Variants in TTR observed in about 807,000 individuals in gnomAD.
TTR encodes transthyretin.
Under a neutral mutation model 13.7 loss-of-function variants are expected in TTR, and 8 were observed. The ratio of observed to expected loss-of-function variants is 0.58; its 90% CI spans 0.34 to 1.05. The LOEUF is 1.05. Among genes scored for constraint, TTR ranks in the 50% least tolerant of loss-of-function variants. TTR has a pLI of 0.02. For synonymous variants in TTR, 75 were observed against 71.7 expected (o/e 1.05, Z -0.23); for missense variants, 135 against 185.5 (o/e 0.73, Z 1.58).
chr18:31,592,194 T>A (rs563871123), intron 1 of TTR, among the ~76,000 whole-genome samples: 132 of 152,248 alleles, frequency 8.7e-4, no homozygotes, highest in African/African-American at 2.8e-3. Flanking sequence ...CTTTGGTGCA[T>A]TAGGTTTGTA....
intron 2 of TTR, chr18:31,593,435 A>G (rs889561085): frequency 5.0e-5 from 13 of 260,224 alleles, no homozygotes; most frequent in Non-Finnish European, 9.8e-5. Flanking sequence ...GGGTAACACC[A>G]AAGCTAAGTG....
chr18:31,592,305 AATGTAT>A (rs1221128317), intron 1 of TTR, among the ~76,000 whole-genome samples: 1 of 152,174 alleles, frequency 6.6e-6, no homozygotes, highest in Non-Finnish European at 1.5e-5. Context: ...CCCTCCATAA[AATGTAT>A]TTGGGGGACA....
In TTR at chr18:31,593,072, C is replaced by A. The variant is rs371148208; in HGVS notation, c.200+46C>A. 1.9e-6 allele frequency: 3 copies of A among 1,610,792 alleles called. No homozygotes were observed. The South Asian group carries it at 3.3e-5, about 18-fold the overall frequency. ...CCCACAGGACTTGGTTTTATCTTCC[C>A]GTTTGCCCCTCACTTGGTAGAGAGA... is the stretch of plus-strand genomic sequence containing the variant. On this transcript the variant is annotated intron_variant, in intron 2 of 3. Coordinates refer to ENST00000237014, the MANE Select transcript of TTR (RefSeq NM_000371.4).
chr18:31,596,752 C>T (rs1227024614), intron 3 of TTR, among the ~76,000 whole-genome samples: 1 of 151,988 alleles, frequency 6.6e-6, no homozygotes, highest in Non-Finnish European at 1.5e-5. Context: ...CATCCCGACC[C>T]TTGGAATGGA....
In TTR at chr18:31,598,466, A is replaced by G. The variant is rs968963443; in HGVS notation, c.337-102A>G. The stretch of plus-strand genomic sequence containing the variant: ...CTGTTCCAAAATATAAAAGAATAAA[A>G]TTAATTAAGTTGGCACTGGACTTCC... On this transcript the variant is annotated intron_variant, in intron 3 of 3. Coordinates refer to ENST00000237014, the MANE Select transcript of TTR (RefSeq NM_000371.4). 9 of 1,108,104 alleles carry G rather than the reference A, an allele frequency of 8.1e-6. No homozygotes were observed. The Admixed American group carries it at 1.3e-4, about 16-fold the overall frequency. The allele number at this position is 1,108,104 out of a possible 1,614,324, so 68.6% of individuals were successfully genotyped here. A position where few individuals can be genotyped will look rare whatever the true frequency, so the allele number is the denominator to read the frequency against.
intron 2 of TTR, among the ~76,000 whole-genome samples, chr18:31,594,086 C>G (rs999570990): frequency 1.3e-4 from 19 of 151,366 alleles, no homozygotes; most frequent in African/African-American, 4.4e-4. Flanking sequence ...AAGGGAGAGA[C>G]AGAATGGACA....
At position 31,598,546 on chromosome 18, in the gene TTR, ATCTG is replaced by A. The variant is rs112263266; in HGVS notation, c.337-14_337-11del. 2.8e-4 allele frequency: 457 copies of A among 1,613,668 alleles called. 2 individuals are homozygous for A. In the African/African-American group the frequency reaches 3.7e-3, roughly 13 times the overall value. Reference sequence around the variant, plus strand: ...GTTTTTCGGGCTCTGGTGGAAATGGATCTGTCTGTCTTCTCTCATAGGTGGTATT... The same window carrying A: ...GTTTTTCGGGCTCTGGTGGAAATGGATCTGTCTTCTCTCATAGGTGGTATT... On this transcript the variant is annotated intron_variant, in intron 3 of 3. Transcript: ENST00000237014.
intron 2 of TTR, 33 bp downstream of exon 2, chr18:31,593,059 G>C (rs1360666612): frequency 6.2e-7 from 1 of 1,612,586 alleles, no homozygotes; most frequent in Non-Finnish European, 8.5e-7. Flanking sequence ...CACAGGACTT[G>C]GTTTTATCTT....
At chr18:31,593,142 G>A (rs771782153) in intron 2 of TTR, 116 bp downstream of exon 2, 128 of 1,508,170 alleles carry the variant, frequency 8.5e-5, no homozygotes, top group Non-Finnish European at 1.1e-4. Context: ...ATTGAAAAAC[G>A]TAGGCAGAGG....
At chr18:31,592,043 A>C (rs1399864038) in intron 1 of TTR, 72 bp downstream of exon 1, 6 of 1,536,878 alleles carry the variant, frequency 3.9e-6, no homozygotes, top group African/African-American at 1.4e-5. Context: ...GACTCCTTCC[A>C]GCTTTGCCAA....
intron 3 of TTR, chr18:31,596,099 T>C (rs1308272275): frequency 6.5e-6 from 1 of 154,918 alleles, no homozygotes; most frequent in Non-Finnish European, 1.5e-5. Context: ...CAAACAGTTA[T>C]ACATGGACCC....
intron 3 of TTR, chr18:31,598,105 A>G (rs2073525838): frequency 3.2e-6 from 1 of 308,240 alleles, no homozygotes; most frequent in Non-Finnish European, 6.4e-6. Context: ...GGACAATACA[A>G]TAATTCAAGT....
intron 1 of TTR, 104 bp from the exon 2 acceptor site, chr18:31,592,792 A>G: frequency 6.9e-7 from 1 of 1,444,324 alleles, no homozygotes; most frequent in Non-Finnish European, 9.6e-7. Context: ...TAATGGGATC[A>G]GTGTGTAATT....
intron 2 of TTR, among the ~76,000 whole-genome samples, chr18:31,594,418 T>C (rs1194342420): frequency 6.6e-6 from 1 of 152,154 alleles, no homozygotes; most frequent in Non-Finnish European, 1.5e-5. Flanking sequence ...CAAATGATAC[T>C]CCCTGGTGGT....
At chr18:31,593,251 A>C (rs1049107411) in intron 2 of TTR, 4 of 517,636 alleles carry the variant, frequency 7.7e-6, no homozygotes, top group Non-Finnish European at 1.0e-5. Context: ...TAGAGAAAAG[A>C]AGGAATCAGA....
chr18:31,595,408 T>C (rs2073512273), intron 3 of TTR, 153 bp downstream of exon 3: 1 of 1,071,988 alleles, frequency 9.3e-7, no homozygotes, highest in African/African-American at 1.6e-5. Flanking sequence ...AAGAAAAAAT[T>C]CACAACACTC....
At chr18:31,592,092 T>G in intron 1 of TTR, 121 bp downstream of exon 1, 1 of 952,600 alleles carries the variant, frequency 1.0e-6, no homozygotes, top group South Asian at 1.4e-5. Context: ...CCAGCATCTA[T>G]TTTTAATATA....
At position 31,595,234 on chromosome 18, in the gene TTR, C is replaced by T. The variant is rs11541787; in HGVS notation, c.315C>T (p.Ser105=). 1 of 1,614,124 alleles carries T rather than the reference C, an allele frequency of 6.2e-7. No individual in the cohort carries two copies. The highest frequency in any genetic ancestry group is 8.5e-7 in the Non-Finnish European group (1 of 1,180,034). ...CTTACTGGAAGGCACTTGGCATCTC[C>T]CCATTCCATGAGCATGCAGAGGTGA... is the stretch of plus-strand genomic sequence containing the variant. The part of the protein sequence containing the change: ...TKSYWKALGI[S]PFHEHAEVVF... Residue 105 remains serine (S), a synonymous_variant, in exon 3 of 4, where the codon TCC becomes TCT. Coordinates refer to ENST00000237014, the MANE Select transcript of TTR (RefSeq NM_000371.4).
In TTR at chr18:31,598,731, G is replaced by C. The variant is rs982429850; in HGVS notation, c.*56G>C. On this transcript the variant is annotated 3_prime_UTR_variant, in exon 4 of 4. Coordinates refer to ENST00000237014, the MANE Select transcript of TTR (RefSeq NM_000371.4). ...GAGGGATGGGATTTCATGTAACCAA[G>C]AGTATTCCATTTTTACTAAAGCAGT... is the stretch of plus-strand genomic sequence containing the variant. 37 of 1,570,200 alleles carry C rather than the reference G, an allele frequency of 2.4e-5. No homozygotes were observed. The highest frequency in any genetic ancestry group is 3.1e-5 in the Non-Finnish European group (35 of 1,141,724).
Sources: allele counts gnomAD v4.1 joint callset (sites outside exome capture counted in the v4.1 genomes callset), GRCh38; gene constraint gnomAD v4.1.1; transcripts MANE v1.5; gene names NCBI Gene and HGNC (gene_info 2026-07-23, HGNC 2026-07-21).